The following DOK6 variants were observed in gnomAD, a reference collection of about 807,000 sequenced individuals.
The protein encoded by DOK6 is docking protein 6, also known as downstream of tyrosine kinase 6.
Under a neutral mutation model 44.0 loss-of-function variants are expected in DOK6, and 22 were observed. The observed-to-expected ratio is 0.50, with a 90% CI of 0.36 to 0.71. The LOEUF (loss-of-function observed/expected upper bound fraction) is 0.71, where lower values mean the gene tolerates loss of function less well. DOK6 is among the 30% of genes least tolerant of loss of function. The pLI is 0.00. For missense variants in DOK6, 340 were observed against 416.4 expected (o/e 0.82, Z 1.60); for synonymous variants, 166 against 145.5 (o/e 1.14, Z -1.01).
At chr18:69,804,048 T>C (rs1448076992) in intron 7 of DOK6, among the ~76,000 whole-genome samples, 2 of 152,222 alleles carry the variant, frequency 1.3e-5, no homozygotes, top group East Asian at 1.9e-4. Context: ...TAATTCAAAC[T>C]AGAAATGTCA....
At chr18:69,670,984 C>G (rs1985784821) in intron 3 of DOK6, among the ~76,000 whole-genome samples, 1 of 152,122 alleles carries the variant, frequency 6.6e-6, no homozygotes, top group Non-Finnish European at 1.5e-5. Context: ...CCCCAACACA[C>G]ACACACACGC....
At chr18:69,526,673 T>C (rs1344403513) in intron 1 of DOK6, among the ~76,000 whole-genome samples, 1 of 152,192 alleles carries the variant, frequency 6.6e-6, no homozygotes, top group Non-Finnish European at 1.5e-5. Context: ...TTCTAATTTC[T>C]TCCCATTGTG....
At chr18:69,717,378 G>C (rs1204191067) in intron 5 of DOK6, among the ~76,000 whole-genome samples, 5 of 151,946 alleles carry the variant, frequency 3.3e-5, no homozygotes, top group Non-Finnish European at 5.9e-5. Flanking sequence ...AATATATGAG[G>C]AAATATATTT....
intron 5 of DOK6, among the ~76,000 whole-genome samples, chr18:69,720,391 A>G (rs1348226734): frequency 6.6e-6 from 1 of 152,188 alleles, no homozygotes; most frequent in Non-Finnish European, 1.5e-5. Context: ...TTGATCCTAT[A>G]TGCTAATTCC....
At chr18:69,580,299 C>T (rs187636121) in intron 2 of DOK6, among the ~76,000 whole-genome samples, 79 of 152,248 alleles carry the variant, frequency 5.2e-4, no homozygotes, top group African/African-American at 1.8e-3. Context: ...CTTCCTGTTT[C>T]CTTGCTGGCT....
intron 1 of DOK6, among the ~76,000 whole-genome samples, chr18:69,442,374 G>A (rs552609405): frequency 6.6e-6 from 1 of 152,192 alleles, no homozygotes; most frequent in African/African-American, 2.4e-5. Flanking sequence ...AGAGGCCTAA[G>A]GTAACTTACA....
At chr18:69,717,798 G>A (rs1031196133) in intron 5 of DOK6, among the ~76,000 whole-genome samples, 2 of 152,200 alleles carry the variant, frequency 1.3e-5, no homozygotes, top group African/African-American at 4.8e-5. Context: ...GATGAAGGAG[G>A]TGGTTGTGAG....
At chr18:69,744,505 A>G (rs1978914956) in intron 6 of DOK6, among the ~76,000 whole-genome samples, 1 of 152,144 alleles carries the variant, frequency 6.6e-6, no homozygotes, top group African/African-American at 2.4e-5. Context: ...CACAAGCTGA[A>G]TTAGAACAAA....
intron 7 of DOK6, among the ~76,000 whole-genome samples, chr18:69,761,916 C>T (rs1979569044): frequency 6.6e-6 from 1 of 152,118 alleles, no homozygotes; most frequent in Admixed American, 6.5e-5. Context: ...GTCCTTGTCT[C>T]TTCAGAAGAA....
At chr18:69,732,831 C>G (rs565217958) in intron 5 of DOK6, among the ~76,000 whole-genome samples, 2 of 152,182 alleles carry the variant, frequency 1.3e-5, no homozygotes, top group African/African-American at 2.4e-5. Flanking sequence ...AGAGCCCAGA[C>G]TAAAACCAAG....
chr18:69,656,369 G>A (rs1293324345), intron 3 of DOK6, among the ~76,000 whole-genome samples: 2 of 152,140 alleles, frequency 1.3e-5, no homozygotes, highest in African/African-American at 4.8e-5. Context: ...CAGAAAGGAG[G>A]AAGATGCAAA....
At chr18:69,432,285 A>T (rs1660681858) in intron 1 of DOK6, among the ~76,000 whole-genome samples, 1 of 152,166 alleles carries the variant, frequency 6.6e-6, no homozygotes, top group Non-Finnish European at 1.5e-5. Context: ...TCTACAAAAA[A>T]TTAAAAACCT....
rs1277984514 is a variant in DOK6, at chr18:69,848,869, T to G, written c.*7486T>G. On this transcript the variant is annotated 3_prime_UTR_variant, in exon 8 of 8. Coordinates refer to ENST00000382713, the MANE Select transcript of DOK6 (RefSeq NM_152721.6). ...TTGCATGGCTGAGATTTTGAACAAC[T>G]AAATTGATGGTTTTACCCACAAGTT... The G allele has an allele frequency of 6.6e-6, 1 of 152,230 alleles. No individual in the cohort carries two copies. Among genetic ancestry groups the G allele is most frequent in the Non-Finnish European group, 1.5e-5 (1 of 68,026 alleles). The allele number at this position is 152,230 out of a possible 1,614,324, so 9.4% of individuals were successfully genotyped here. A position where few individuals can be genotyped will look rare whatever the true frequency, so the allele number is the denominator to read the frequency against.
At chr18:69,548,372 T>C (rs993868391) in intron 1 of DOK6, among the ~76,000 whole-genome samples, 2 of 151,626 alleles carry the variant, frequency 1.3e-5, no homozygotes, top group African/African-American at 2.4e-5. Context: ...CAGTTGCTCT[T>C]ATATTTTTAG....
chr18:69,639,248 T>A (rs1984882927), intron 3 of DOK6, among the ~76,000 whole-genome samples: 1 of 152,216 alleles, frequency 6.6e-6, no homozygotes, highest in African/African-American at 2.4e-5. Context: ...TTCTACACTG[T>A]CTTAAAACAA....
intron 7 of DOK6, among the ~76,000 whole-genome samples, chr18:69,795,414 G>T (rs1182350634): frequency 6.6e-6 from 1 of 152,146 alleles, no homozygotes; most frequent in Non-Finnish European, 1.5e-5. Context: ...AAGGATATGA[G>T]ACTATTTCTA....
At chr18:69,598,908 A>T (rs564804051) in intron 2 of DOK6, among the ~76,000 whole-genome samples, 13 of 152,236 alleles carry the variant, frequency 8.5e-5, no homozygotes, top group African/African-American at 2.9e-4. Flanking sequence ...TCTAAAATGT[A>T]CCTTTTGGAG....
At chr18:69,447,416 C>G (rs1454835617) in intron 1 of DOK6, among the ~76,000 whole-genome samples, 1 of 151,930 alleles carries the variant, frequency 6.6e-6, no homozygotes, top group East Asian at 1.9e-4. Flanking sequence ...TGGTCTATAT[C>G]TCTGTTTTGG....
At chr18:69,684,309 T>C (rs1986103352) in intron 4 of DOK6, among the ~76,000 whole-genome samples, 1 of 152,240 alleles carries the variant, frequency 6.6e-6, no homozygotes, top group Non-Finnish European at 1.5e-5. Context: ...AGATGTTTTG[T>C]AGTGCTTCTC....
Sources: allele counts gnomAD v4.1 joint callset (sites outside exome capture counted in the v4.1 genomes callset), GRCh38; gene constraint gnomAD v4.1.1; transcripts MANE v1.5; gene names NCBI Gene and HGNC (gene_info 2026-07-23, HGNC 2026-07-21).